The following CTDSPL variants were observed in gnomAD, a reference collection of about 807,000 sequenced individuals.
CTDSPL encodes CTD small phosphatase-like protein.
In CTDSPL, 8 loss-of-function variants were observed where a neutral mutation model predicts 30.5. The ratio of observed to expected loss-of-function variants is 0.26; its 90% confidence interval spans 0.15 to 0.47. CTDSPL has a LOEUF of 0.47. Among genes scored for constraint, CTDSPL ranks in the 20% least tolerant of loss-of-function variants. The pLI, the probability that CTDSPL is intolerant of heterozygous loss-of-function variation, is 0.99. For missense variants in CTDSPL, 248 were observed against 366.1 expected (o/e 0.68, Z 2.63); for synonymous variants, 110 against 137.9 (o/e 0.80, Z 1.42).
At chr3:37,925,831 G>A (rs1256322448) in intron 1 of CTDSPL, among the ~76,000 whole-genome samples, 1 of 149,558 alleles carries the variant, frequency 6.7e-6, no homozygotes, top group East Asian at 1.9e-4. Context: ...CAGTTCTCCA[G>A]TACACACAGA....
chr3:37,913,422 G>A (rs1013229002), intron 1 of CTDSPL, among the ~76,000 whole-genome samples: 10 of 152,196 alleles, frequency 6.6e-5, no homozygotes, highest in Non-Finnish European at 1.3e-4. Context: ...CTCTGGCCAT[G>A]ACCTCTATAT....
intron 1 of CTDSPL, among the ~76,000 whole-genome samples, chr3:37,892,183 G>C (rs1698335575): frequency 6.6e-6 from 1 of 152,088 alleles, no homozygotes; most frequent in East Asian, 1.9e-4. Context: ...TCTGAAGTCA[G>C]ACAGAGTTAG....
chr3:37,933,615 G>A (rs1441169116), intron 1 of CTDSPL, among the ~76,000 whole-genome samples: 5 of 152,154 alleles, frequency 3.3e-5, no homozygotes, highest in East Asian at 1.9e-4. Flanking sequence ...CTCTTTACTA[G>A]CTAAGTCATC....
In CTDSPL at chr3:37,975,905, C is replaced by T. The variant is rs1188574408; in HGVS notation, c.705+11C>T. 2.5e-6 allele frequency: 4 copies of T among 1,609,298 alleles called. No individual in the cohort carries two copies. In the East Asian group the frequency reaches 8.9e-5, roughly 36 times the overall value. On this transcript the variant is annotated intron_variant, in intron 7 of 7. Coordinates refer to ENST00000273179, the MANE Select transcript of CTDSPL (RefSeq NM_001008392.2). This position sits in a 1 kb window ranked among gnomAD's most constrained non-coding sequence, Gnocchi z 4.9. ...CATCCTGAGAATGCAGTAAGTGGCC[C>T]CAAAGAAAGAAAATGTCGTGCTCCA...
chr3:37,892,781 G>C (rs1414896797), intron 1 of CTDSPL, among the ~76,000 whole-genome samples: 2 of 152,132 alleles, frequency 1.3e-5, no homozygotes, highest in African/African-American at 2.4e-5. Context: ...AAGTGGGGGG[G>C]ATAGTATAAG....
chr3:37,977,325 A>G (rs1173531158), intron 7 of CTDSPL, among the ~76,000 whole-genome samples: 1 of 152,146 alleles, frequency 6.6e-6, no homozygotes, highest in Non-Finnish European at 1.5e-5. Context: ...CGGGATCCAA[A>G]AAGATCCATG....
intron 2 of CTDSPL, among the ~76,000 whole-genome samples, chr3:37,948,860 C>A (rs1468416225): frequency 5.3e-5 from 7 of 132,122 alleles, no homozygotes; most frequent in African/African-American, 2.1e-4. Context: ...GTCGCCCAGG[C>A]CGGACTGCGG....
chr3:37,926,166 A>C (rs190069629), intron 1 of CTDSPL, among the ~76,000 whole-genome samples: 13 of 152,154 alleles, frequency 8.5e-5, no homozygotes, highest in African/African-American at 3.1e-4. Flanking sequence ...GTCACAGAGG[A>C]GATGGCAGGC....
At chr3:37,890,908 C>T (rs949988664) in intron 1 of CTDSPL, among the ~76,000 whole-genome samples, 1 of 152,178 alleles carries the variant, frequency 6.6e-6, no homozygotes. Flanking sequence ...GTTTTGCCAC[C>T]TTGTTATTGA....
chr3:37,933,677 G>A (rs1333937994), intron 1 of CTDSPL, among the ~76,000 whole-genome samples: 3 of 152,112 alleles, frequency 2.0e-5, no homozygotes, highest in African/African-American at 7.2e-5. Flanking sequence ...TCTATAAAAT[G>A]GATATAATAG....
intron 3 of CTDSPL, 111 bp downstream of exon 3, chr3:37,957,254 C>T: frequency 1.4e-6 from 1 of 709,950 alleles, no homozygotes; most frequent in Non-Finnish European, 2.3e-6. Flanking sequence ...GTGAGTTTAT[C>T]ATGTGGTATA....
intron 1 of CTDSPL, among the ~76,000 whole-genome samples, chr3:37,941,940 T>C (rs1575309888): frequency 6.7e-6 from 1 of 150,254 alleles, no homozygotes; most frequent in Non-Finnish European, 1.5e-5. Flanking sequence ...GGCAGAATGC[T>C]CTGCAGAAGA....
At chr3:37,869,043 C>A (rs1056442213) in intron 1 of CTDSPL, among the ~76,000 whole-genome samples, 1 of 151,212 alleles carries the variant, frequency 6.6e-6, no homozygotes, top group African/African-American at 2.5e-5. Flanking sequence ...GAACACAGTA[C>A]GTCTCTCTAT....
At chr3:37,879,444 A>C (rs1053563276) in intron 1 of CTDSPL, among the ~76,000 whole-genome samples, 5 of 152,244 alleles carry the variant, frequency 3.3e-5, no homozygotes, top group Non-Finnish European at 7.3e-5. Flanking sequence ...AGTGACCCCC[A>C]AAACATGAGT....
At chr3:37,977,653 C>G (rs1699444354) in intron 7 of CTDSPL, among the ~76,000 whole-genome samples, 1 of 151,302 alleles carries the variant, frequency 6.6e-6, no homozygotes, top group African/African-American at 2.4e-5. Context: ...CTTTGGGAGG[C>G]CCAGGCAGGT....
intron 2 of CTDSPL, among the ~76,000 whole-genome samples, chr3:37,948,831 T>G (rs1699074808): frequency 1.4e-5 from 2 of 140,158 alleles, no homozygotes; most frequent in Admixed American, 1.4e-4. Flanking sequence ...TTTTTTTTTT[T>G]GAGACGGAGT....
At chr3:37,915,398 C>G (rs1399526382) in intron 1 of CTDSPL, among the ~76,000 whole-genome samples, 1 of 152,142 alleles carries the variant, frequency 6.6e-6, no homozygotes, top group Non-Finnish European at 1.5e-5. Context: ...TCAATTCTCT[C>G]CTCTCCTGTG....
intron 5 of CTDSPL, among the ~76,000 whole-genome samples, chr3:37,970,321 T>C (rs1218280522): frequency 6.6e-6 from 1 of 152,198 alleles, no homozygotes; most frequent in Non-Finnish European, 1.5e-5. Flanking sequence ...CAACTTTCAT[T>C]ATGCCATGTT....
At chr3:37,948,425 A>T (rs1478636491) in intron 2 of CTDSPL, among the ~76,000 whole-genome samples, 1 of 152,256 alleles carries the variant, frequency 6.6e-6, no homozygotes, top group Non-Finnish European at 1.5e-5. Context: ...CTGAAAGAAG[A>T]TTATTCATTA....
Sources: allele counts gnomAD v4.1 joint callset (sites outside exome capture counted in the v4.1 genomes callset), GRCh38; gene constraint gnomAD v4.1.1; non-coding constraint Gnocchi (gnomAD v3.1); transcripts MANE v1.5; gene names NCBI Gene and HGNC (gene_info 2026-07-23, HGNC 2026-07-21).